BRINP1: variants seen among roughly 807,000 people sequenced by gnomAD.
BRINP1 encodes the protein BMP/retinoic acid-inducible neural-specific protein 1.
Under a neutral mutation model 72.9 loss-of-function variants are expected in BRINP1, and 17 were observed. The ratio of observed to expected loss-of-function variants is 0.23; its 90% CI spans 0.16 to 0.35. The LOEUF (loss-of-function observed/expected upper bound fraction) is 0.35. BRINP1 is among the 10% of genes least tolerant of loss of function. The probability of loss-of-function intolerance (pLI) is 1.00; values close to 1 mark genes in which losing one functional copy is unlikely to be tolerated. For synonymous variants in BRINP1, 418 were observed against 378.5 expected, an observed-to-expected ratio of 1.10 and a Z score of -1.21; for missense variants, 850 against 1,001.6, an observed-to-expected ratio of 0.85 and a Z score of 2.04.
At chr9:119,316,829 A>G (rs1831129805) in intron 1 of BRINP1, among the ~76,000 whole-genome samples, 1 of 152,146 alleles carries the variant, frequency 6.6e-6, no homozygotes, top group Non-Finnish European at 1.5e-5. Flanking sequence ...CCCATAGATC[A>G]AGGCATGATT....
At chr9:119,318,844 G>GGGGGGTGTGTGT (rs111313745) in intron 1 of BRINP1, among the ~76,000 whole-genome samples, 2 of 142,146 alleles carry the variant, frequency 1.4e-5, no homozygotes, top group African/African-American at 5.2e-5. Context: ...AAATGTGTGG[G>GGGGGGTGTGTGT]GTGTGTGTGT....
chr9:119,234,549 T>C (rs1228730730), intron 5 of BRINP1, among the ~76,000 whole-genome samples: 4 of 152,180 alleles, frequency 2.6e-5, no homozygotes, highest in Non-Finnish European at 4.4e-5. Context: ...GCACATGTAT[T>C]ACAAATATTT....
intron 7 of BRINP1, among the ~76,000 whole-genome samples, chr9:119,180,612 G>C (rs963572714): frequency 6.6e-6 from 1 of 152,104 alleles, no homozygotes; most frequent in African/African-American, 2.4e-5. Context: ...TGCTATGGAT[G>C]TGCTAGTATG....
chr9:119,285,807 C>T (rs779071905), intron 2 of BRINP1, among the ~76,000 whole-genome samples: 14 of 152,020 alleles, frequency 9.2e-5, no homozygotes, highest in African/African-American at 1.2e-4. Context: ...CAGGAAGAAA[C>T]ACAATTTTAC....
chr9:119,304,704 G>C (rs1240091343), intron 2 of BRINP1, among the ~76,000 whole-genome samples: 4 of 152,240 alleles, frequency 2.6e-5, no homozygotes, highest in African/African-American at 7.2e-5. Flanking sequence ...CCTGGATGCT[G>C]CACGGGAAAA....
chr9:119,322,446 T>G (rs1255617521), intron 1 of BRINP1, among the ~76,000 whole-genome samples: 1 of 152,136 alleles, frequency 6.6e-6, no homozygotes, highest in Non-Finnish European at 1.5e-5. Context: ...ATTCTCTAAT[T>G]GTTGCTATTG....
At chr9:119,174,973 G>C (rs942085514) in intron 7 of BRINP1, among the ~76,000 whole-genome samples, 1 of 149,438 alleles carries the variant, frequency 6.7e-6, no homozygotes, top group Non-Finnish European at 1.5e-5. Flanking sequence ...GTTGTGGGGT[G>C]GGGGGAGGAG....
chr9:119,223,955 C>T lies in BRINP1; in HGVS notation c.686-9800G>A, dbSNP rs148192177. ...GGATCCATTGCTATAGATTATGATT[C>T]TTGAGGACAATAACTTTATCTCTTT... is the stretch of plus-strand genomic sequence containing the variant. On this transcript the variant is annotated intron_variant, in intron 5 of 7. Coordinates refer to ENST00000265922, the MANE Select transcript of BRINP1 (RefSeq NM_014618.3). Among the ~76,000 whole-genome samples, 683 of 152,156 alleles carry T rather than the reference C, an allele frequency of 4.5e-3. 2 individuals are homozygous for T. Among genetic ancestry groups the T allele is most frequent in the African/African-American group, 0.016 (647 of 41,516 alleles).
intron 2 of BRINP1, among the ~76,000 whole-genome samples, chr9:119,292,588 T>C (rs77460604): frequency 0.028 from 4,234 of 152,260 alleles, 198 homozygotes; most frequent in African/African-American, 0.096. Context: ...ATCTATCGCT[T>C]AATTAGGTTC....
intron 7 of BRINP1, among the ~76,000 whole-genome samples, chr9:119,191,130 T>C (rs1057299891): frequency 2.0e-5 from 3 of 151,898 alleles, no homozygotes; most frequent in Admixed American, 1.3e-4. Flanking sequence ...GAATAAAAGT[T>C]TGTCAATATA....
chr9:119,243,673 G>A (rs1304152304), intron 3 of BRINP1, among the ~76,000 whole-genome samples: 1 of 152,202 alleles, frequency 6.6e-6, no homozygotes, highest in African/African-American at 2.4e-5. Context: ...CCCACCAACA[G>A]TGTAAAAACG....
At chr9:119,176,946 G>A (rs1554745278) in intron 7 of BRINP1, among the ~76,000 whole-genome samples, 1 of 151,966 alleles carries the variant, frequency 6.6e-6, no homozygotes, top group Non-Finnish European at 1.5e-5. Flanking sequence ...AGAACCACCC[G>A]GACCTGGCGA....
intron 1 of BRINP1, among the ~76,000 whole-genome samples, chr9:119,356,812 A>AG (rs1035804545): frequency 1.3e-5 from 2 of 152,032 alleles, no homozygotes; most frequent in South Asian, 4.2e-4. Flanking sequence ...CTCAAAAAAA[A>AG]AAAAAACAAA....
intron 2 of BRINP1, among the ~76,000 whole-genome samples, chr9:119,297,755 G>A (rs980608827): frequency 6.6e-6 from 1 of 151,782 alleles, no homozygotes; most frequent in Non-Finnish European, 1.5e-5. Flanking sequence ...CTAATTATAC[G>A]GTAAGACAAT....
intron 2 of BRINP1, among the ~76,000 whole-genome samples, chr9:119,290,556 T>G (rs896401060): frequency 1.3e-5 from 2 of 152,052 alleles, no homozygotes; most frequent in Non-Finnish European, 2.9e-5. Context: ...CTAATGGAAA[T>G]GCATTTGGCA....
intron 1 of BRINP1, among the ~76,000 whole-genome samples, chr9:119,365,794 A>C (rs922317230): frequency 1.3e-4 from 20 of 152,026 alleles, no homozygotes; most frequent in Non-Finnish European, 2.8e-4. Flanking sequence ...CCAAGAGCTG[A>C]TTTGGCATCT....
chr9:119,293,027 A>T (rs567161666), intron 2 of BRINP1, among the ~76,000 whole-genome samples: 8 of 152,318 alleles, frequency 5.3e-5, no homozygotes, highest in African/African-American at 1.9e-4. Flanking sequence ...GTCTGAGTAC[A>T]TAACAGTGAT....
At chr9:119,311,451 C>T (rs1359731815) in intron 2 of BRINP1, among the ~76,000 whole-genome samples, 1 of 152,130 alleles carries the variant, frequency 6.6e-6, no homozygotes, top group African/African-American at 2.4e-5. Flanking sequence ...AGATACAAGC[C>T]TTCTCTAGTA....
intron 2 of BRINP1, among the ~76,000 whole-genome samples, chr9:119,266,242 A>T (rs1275661168): frequency 6.6e-6 from 1 of 152,164 alleles, no homozygotes; most frequent in Non-Finnish European, 1.5e-5. Context: ...GCAACTGTAA[A>T]ATGTCCCATG....
Sources: allele counts gnomAD v4.1 joint callset (sites outside exome capture counted in the v4.1 genomes callset), GRCh38; gene constraint gnomAD v4.1.1; transcripts MANE v1.5; gene names NCBI Gene and HGNC (gene_info 2026-07-23, HGNC 2026-07-21).